Variants in NSD2 observed in about 807,000 individuals in gnomAD.
NSD2 encodes histone-lysine N-methyltransferase NSD2.
Under a neutral mutation model 139.0 loss-of-function variants are expected in NSD2, and 12 were observed. The ratio of observed to expected loss-of-function variants is 0.09; its 90% confidence interval spans 0.06 to 0.14. The LOEUF (loss-of-function observed/expected upper bound fraction) is 0.14. Among genes scored for constraint, NSD2 ranks in the 10% least tolerant of loss-of-function variants. The probability of loss-of-function intolerance (pLI) is 1.00; values close to 1 mark genes in which losing one functional copy is unlikely to be tolerated. For missense variants in NSD2, 1,155 were observed against 1,745.0 expected (o/e 0.66, Z 6.02); for synonymous variants, 669 against 648.7 (o/e 1.03, Z -0.48).
At chr4:1,947,645 CATTT>C in intron 9 of NSD2, 1 of 1,055,794 alleles carries the variant, frequency 9.5e-7, no homozygotes, top group Non-Finnish European at 1.1e-6. Flanking sequence ...ATTTCACACT[CATTT>C]AATCTGCTGA....
Position 1,918,606 on chromosome 4 carries a change from C to G in NSD2, c.1393C>G (p.Gln465Glu). 6.2e-7 allele frequency: 1 copy of G among 1,613,608 alleles called. No homozygotes were observed. Among genetic ancestry groups the G allele is most frequent in the Non-Finnish European group, 8.5e-7 (1 of 1,179,948 alleles). ...AGCATCCCAGTTTTTGGTCTTCTGT[C>G]AAAAACACAGGGATGAGGTCAGTAC... is the stretch of plus-strand genomic sequence containing the variant. ...DAASQFLVFC[Q>E]KHRDEVVAEH... The change falls in exon 5 of 22, where the codon CAA becomes GAA. Residue 465 changes from glutamine to glutamate, a missense_variant. Coordinates refer to ENST00000508803, the MANE Select transcript of NSD2 (RefSeq NM_001042424.3).
intron 2 of NSD2, among the ~76,000 whole-genome samples, chr4:1,903,010 AT>A (rs1198592508): frequency 6.6e-6 from 1 of 152,172 alleles, no homozygotes; most frequent in African/African-American, 2.4e-5. Flanking sequence ...CCCGGTCTCT[AT>A]AAAAAATAAA....
chr4:1,960,904 C>T (rs1725299088), intron 17 of NSD2, 131 bp from the exon 18 acceptor site: 2 of 621,616 alleles, frequency 3.2e-6, no homozygotes, highest in South Asian at 2.4e-5. Flanking sequence ...AGACTTTGTA[C>T]ACGCCCTCCA....
Position 1,978,516 on chromosome 4 carries a change from G to C in NSD2, c.3827-122G>C, listed in dbSNP as rs951728302. On this transcript the variant is annotated intron_variant, in intron 21 of 21. Transcript: ENST00000508803. ...GACAGTTTGTCTGCCCGTCCTGTTC[G>C]CTGGAGCCAGCACTATTTTGTGTTC... 17 of 1,395,050 alleles carry C rather than the reference G, an allele frequency of 1.2e-5. No individual in the cohort carries two copies. In the African/African-American group the frequency reaches 1.4e-4, roughly 12 times the overall value. The allele number at this position is 1,395,050 out of a possible 1,614,324, so 86.4% of individuals were successfully genotyped here.
Position 1,900,625 on chromosome 4 carries a change from G to C in NSD2, c.-29-1G>C. The C allele has an allele frequency of 6.7e-7, 1 of 1,500,516 alleles. No homozygotes were observed. Among genetic ancestry groups the C allele is most frequent in the Non-Finnish European group, 8.9e-7 (1 of 1,121,090 alleles). 93.0% of individuals were successfully genotyped at this position (1,500,516 alleles called of 1,614,324 possible). A position where few individuals can be genotyped will look rare whatever the true frequency, so the allele number is the denominator to read the frequency against. On this transcript the variant is annotated splice_acceptor_variant, in intron 1 of 21. Transcript: ENST00000508803. LOFTEE classifies it low-confidence loss of function (5UTR_SPLICE). ...CTTTTTTCTTTTTTTTAATACCATA[G>C]TGTTCTAAGAACGGAAGCATCTGGG... is the stretch of plus-strand genomic sequence containing the variant.
At chr4:1,951,742 G>A (rs1724291522) in intron 10 of NSD2, among the ~76,000 whole-genome samples, 1 of 152,210 alleles carries the variant, frequency 6.6e-6, no homozygotes, top group South Asian at 2.1e-4. Flanking sequence ...CGATGCATGG[G>A]AAGTGTGAAT....
At chr4:1,875,865 C>CAT (rs1714217204) in intron 1 of NSD2, among the ~76,000 whole-genome samples, 2 of 149,784 alleles carry the variant, frequency 1.3e-5, no homozygotes, top group African/African-American at 4.9e-5. Context: ...GCCAAGACTG[C>CAT]GCCACTGCAC....
chr4:1,957,063 CTG>C (rs921390459), intron 15 of NSD2, among the ~76,000 whole-genome samples: 1 of 152,196 alleles, frequency 6.6e-6, no homozygotes, highest in Admixed American at 6.5e-5. Flanking sequence ...AGTCTCCTAA[CTG>C]TGGATGCAGG....
intron 5 of NSD2, among the ~76,000 whole-genome samples, chr4:1,928,070 TC>T: frequency 6.6e-6 from 1 of 151,268 alleles, no homozygotes; most frequent in East Asian, 1.9e-4. Context: ...AAAAATAATT[TC>T]TTTTTTTTTT....
chr4:1,962,703 C>G (rs1577555034), intron 18 of NSD2, among the ~76,000 whole-genome samples: 2 of 152,046 alleles, frequency 1.3e-5, no homozygotes, highest in East Asian at 1.9e-4. Flanking sequence ...GAGACAGGGT[C>G]TCTATCACCC....
chr4:1,978,599 C>G (rs764419757), intron 21 of NSD2, 39 bp from the exon 22 acceptor site: 1 of 1,565,912 alleles, frequency 6.4e-7, no homozygotes, highest in Non-Finnish European at 8.7e-7. Context: ...GTCGTGATTC[C>G]ATCACTTCTG....
At chr4:1,946,976 T>C (rs1723701967) in intron 9 of NSD2, 7 of 1,062,746 alleles carry the variant, frequency 6.6e-6, no homozygotes, top group Non-Finnish European at 8.0e-6. Flanking sequence ...TGAAGCATGC[T>C]GACCATCCAG....
At position 1,900,721 on chromosome 4, in the gene NSD2, C is replaced by G. The variant is rs1198342544; in HGVS notation, c.67C>G (p.Gln23Glu). The G allele has an allele frequency of 4.3e-6, 7 of 1,613,734 alleles. No homozygotes were observed. The highest frequency in any genetic ancestry group is 4.2e-6 in the Non-Finnish European group (5 of 1,179,862). ...TGTTGTAAAGTGCATAAAGATGAAG[C>G]AGGCACCAGAAATCCTCGGCAGTGC... is the stretch of plus-strand genomic sequence containing the variant. Reference protein sequence around the residue: ...QSVVKCIKMKQAPEILGSANG... With the variant: ...QSVVKCIKMKEAPEILGSANG... The change falls in exon 2 of 22, where the codon CAG (glutamine) becomes GAG (glutamate). Residue 23 changes from glutamine to glutamate, a missense_variant. Physicochemically the swap from Gln to Glu is conservative, Grantham distance 29. Coordinates refer to ENST00000508803, the MANE Select transcript of NSD2 (RefSeq NM_001042424.3).
At position 1,982,102 on chromosome 4, in the gene NSD2, T is replaced by C. The variant is rs1727826021; in HGVS notation, c.*3193T>C. ...ATATACTGAAATAGAGAGTTGAGAC[T>C]TGCCAGTTGGGGGAAAATAGCATTT... On this transcript the variant is annotated 3_prime_UTR_variant, in exon 22 of 22. Transcript: ENST00000508803. The C allele has an allele frequency of 5.0e-6, 2 of 396,638 alleles. No individual in the cohort carries two copies. Among genetic ancestry groups the C allele is most frequent in the Non-Finnish European group, 8.9e-6 (2 of 225,460 alleles). 24.6% of individuals were successfully genotyped at this position (396,638 alleles called of 1,614,324 possible).
At chr4:1,872,585 TGTGTGTGAGAGAGAGAGAGA>T (rs1230410388) in intron 1 of NSD2, among the ~76,000 whole-genome samples, 19 of 56,526 alleles carry the variant, frequency 3.4e-4, no homozygotes, top group African/African-American at 1.0e-3. Flanking sequence ...TGTGTGTGTG[TGTGTGTGAGAGAGAGAGAGA>T]GAGAGAGAGA....
Position 1,948,881 on chromosome 4 carries a change from C to A in NSD2, c.1882-2191C>A. The A allele has an allele frequency of 2.2e-6, 2 of 921,814 alleles. No individual in the cohort carries two copies. The highest frequency in any genetic ancestry group is 2.6e-6 in the Non-Finnish European group (2 of 762,842). The allele number at this position is 921,814 out of a possible 1,614,324, so 57.1% of individuals were successfully genotyped here. A position where few individuals can be genotyped will look rare whatever the true frequency, so the allele number is the denominator to read the frequency against. On this transcript the variant is annotated intron_variant, in intron 9 of 21. Transcript: ENST00000508803. This position sits in a 1 kb window ranked among gnomAD's most constrained non-coding sequence, Gnocchi z 4.5. ...TGCATTTTTTTTCTCATTTTTAAAGCTTTTTAAGTTTGTTCCACCACGTTA... is the reference window on the plus strand; with the variant it reads ...TGCATTTTTTTTCTCATTTTTAAAGATTTTTAAGTTTGTTCCACCACGTTA...
intron 18 of NSD2, among the ~76,000 whole-genome samples, chr4:1,961,360 C>G (rs1197542393): frequency 1.3e-5 from 2 of 152,224 alleles, no homozygotes; most frequent in Non-Finnish European, 2.9e-5. Context: ...AGCACCCAGG[C>G]ACCCTGAGGC....
intron 9 of NSD2, chr4:1,940,990 G>C: frequency 9.4e-7 from 1 of 1,058,524 alleles, no homozygotes; most frequent in Non-Finnish European, 1.1e-6. Flanking sequence ...TGGGACTGGG[G>C]CTGCTTTACA....
intron 1 of NSD2, among the ~76,000 whole-genome samples, chr4:1,892,463 G>A (rs1289714790): frequency 1.3e-5 from 2 of 152,170 alleles, no homozygotes; most frequent in Middle Eastern, 3.2e-3. Context: ...TCCATGAAAT[G>A]TGAATAATTA....
Sources: allele counts gnomAD v4.1 joint callset (sites outside exome capture counted in the v4.1 genomes callset), GRCh38; gene constraint gnomAD v4.1.1; non-coding constraint Gnocchi (gnomAD v3.1); transcripts MANE v1.5; gene names NCBI Gene and HGNC (gene_info 2026-07-23, HGNC 2026-07-21).